SVEP1: variants seen among roughly 807,000 people sequenced by gnomAD.
The protein encoded by SVEP1 is sushi, von Willebrand factor type A, EGF and pentraxin domain containing 1.
SVEP1 carries 164 observed loss-of-function variants against 367.3 expected under a neutral mutation model. That is an observed-to-expected ratio of 0.45 (90% CI 0.39 to 0.51). The LOEUF is 0.51. SVEP1 is among the 20% of genes least tolerant of loss of function. SVEP1 has a pLI of 0.00. For missense variants in SVEP1, 4,117 were observed against 4,425.3 expected, an observed-to-expected ratio of 0.93 and a Z score of 1.98; for synonymous variants, 1,666 against 1,611.6, an observed-to-expected ratio of 1.03 and a Z score of -0.81.
intron 19 of SVEP1, 67 bp from the exon 20 acceptor site, chr9:110,458,629 T>C: frequency 7.0e-7 from 1 of 1,435,096 alleles, no homozygotes. Context: ...TATCTAACAC[T>C]ATGGTCAAGA....
intron 27 of SVEP1, chr9:110,443,284 C>A: frequency 2.8e-6 from 1 of 362,116 alleles, no homozygotes; most frequent in South Asian, 1.1e-4. Context: ...AGTTTAGCAA[C>A]CAGCTGCTAA....
intron 36 of SVEP1, among the ~76,000 whole-genome samples, chr9:110,426,793 A>G (rs916875967): frequency 3.9e-5 from 6 of 152,200 alleles, no homozygotes; most frequent in African/African-American, 1.4e-4. Flanking sequence ...GCTAAGATCA[A>G]ATGAGACAAT....
chr9:110,486,218 C>G (rs1056186558), intron 9 of SVEP1, among the ~76,000 whole-genome samples: 3 of 152,244 alleles, frequency 2.0e-5, no homozygotes, highest in Non-Finnish European at 4.4e-5. Context: ...GCAGTATTTA[C>G]TATTTTGCCA....
At chr9:110,544,452 A>G (rs184090911) in intron 3 of SVEP1, among the ~76,000 whole-genome samples, 1 of 152,358 alleles carries the variant, frequency 6.6e-6, no homozygotes, top group Non-Finnish European at 1.5e-5. Context: ...TATCCAATAC[A>G]GAAAAACTAT....
In SVEP1 at chr9:110,407,732, T is replaced by C. The variant is rs1217736201; in HGVS notation, c.7868A>G (p.Asp2623Gly). The C allele has an allele frequency of 1.9e-6, 3 of 1,613,938 alleles. No homozygotes were observed. In the South Asian group the frequency reaches 3.3e-5, roughly 18 times the overall value. Residue 2623 changes from aspartate to glycine, a missense_variant, in exon 38 of 48, where the codon GAC becomes GGC. This residue lies in a region of SVEP1 where 1,765 missense variants were observed against 1,781.1 expected (regional missense o/e 0.99). Transcript: ENST00000374469. ...CTGGTCATCTTTGAGTTTAGTACAG[T>C]CTCCAAAATCTATATGAGGAGGGAG... ...CGLPPHIDFG[D>G]CTKLKDDQGY...
rs1180787031 is a variant in SVEP1 at position 110,465,951 on chromosome 9, G to C, written c.3236C>G (p.Pro1079Arg). The change falls in exon 18 of 48, where the codon CCA becomes CGA. Residue 1079 changes from proline (P) to arginine (R), a missense_variant. Around this residue, in one of 4 missense-constraint regions of SVEP1, gnomAD observed 2,174 missense variants for 2,494.3 expected, o/e 0.87. Coordinates refer to ENST00000374469, the MANE Select transcript of SVEP1 (RefSeq NM_153366.4). Reference sequence around the variant, plus strand: ...GAGGCAGCTCCGGGAACCAAATTTTGGCTGATAAGTGCCCAGTGGACACGA... The same window carrying C: ...GAGGCAGCTCCGGGAACCAAATTTTCGCTGATAAGTGCCCAGTGGACACGA... ...CESCPLGTYQ[P>R]KFGSRSCLSC... 1 of 1,612,948 alleles carries C rather than the reference G, an allele frequency of 6.2e-7. No individual in the cohort carries two copies. Among genetic ancestry groups the C allele is most frequent in the Non-Finnish European group, 8.5e-7 (1 of 1,179,526 alleles).
At chr9:110,485,500 G>C (rs889562969) in intron 9 of SVEP1, among the ~76,000 whole-genome samples, 1 of 152,080 alleles carries the variant, frequency 6.6e-6, no homozygotes, top group African/African-American at 2.4e-5. Context: ...CCTAGGTGAT[G>C]GGTTGATAGG....
intron 1 of SVEP1, among the ~76,000 whole-genome samples, chr9:110,576,575 T>C (rs1830630130): frequency 6.6e-6 from 1 of 151,896 alleles, no homozygotes; most frequent in Non-Finnish European, 1.5e-5. Flanking sequence ...AAATAAAATA[T>C]ATATAAAAAG....
Position 110,377,370 on chromosome 9 carries a change from GA to G in SVEP1, c.10409-5del. 2 of 1,613,550 alleles carry G rather than the reference GA, an allele frequency of 1.2e-6. No homozygotes were observed. Among genetic ancestry groups the G allele is most frequent in the South Asian group, 1.1e-5 (1 of 91,066 alleles). ...TGACATGGAAATCGACAGACAGCTG[GA>G]AAAGAAGCAGGATGGGTCACAAATG... On this transcript the variant is annotated splice_region_variant and splice_polypyrimidine_tract_variant and intron_variant, in intron 44 of 47. Transcript: ENST00000374469.
chr9:110,378,029 T>C (rs912158097), intron 44 of SVEP1, among the ~76,000 whole-genome samples: 7 of 152,234 alleles, frequency 4.6e-5, no homozygotes, highest in African/African-American at 1.7e-4. Context: ...GTCCATGTTG[T>C]TGTAAATGGC....
At chr9:110,450,819 T>C (rs375169237) in intron 23 of SVEP1, among the ~76,000 whole-genome samples, 2 of 152,274 alleles carry the variant, frequency 1.3e-5, no homozygotes, top group South Asian at 4.1e-4. Context: ...AAATTAAGTT[T>C]GGTAATAGAC....
Position 110,446,922 on chromosome 9 carries a change from A to G in SVEP1, c.4239T>C (p.Phe1413=), listed in dbSNP as rs1165815166. The G allele has an allele frequency of 6.5e-7, 1 of 1,538,882 alleles. No individual in the cohort carries two copies. Among genetic ancestry groups the G allele is most frequent in the Non-Finnish European group, 8.8e-7 (1 of 1,142,092 alleles). ...TACCTGTTTCACACCTTTTGCCTGA[A>G]AATCCTGGCTGACATTTACAACTGT... ...NSYSCKCQPG[F]SGKRCETEQS... is the part of the protein sequence containing the mutation. Residue 1413 remains phenylalanine, a synonymous_variant, in exon 25 of 48, where the codon TTT becomes TTC. Coordinates refer to ENST00000374469, the MANE Select transcript of SVEP1 (RefSeq NM_153366.4).
Position 110,434,376 on chromosome 9 carries a change from C to G in SVEP1, c.5019G>C (p.Leu1673=). The change falls in exon 30 of 48, where the codon CTG becomes CTC. Residue 1673 remains leucine, a synonymous_variant. Coordinates refer to ENST00000374469, the MANE Select transcript of SVEP1 (RefSeq NM_153366.4). ...QLVGNPVQYC[L]NQGQWTQPLP... ...GTGGTTGTGTCCACTGTCCTTGATT[C>G]AGACAGTACTGCACAGGGTTCCCGA... The G allele has an allele frequency of 6.2e-7, 1 of 1,612,830 alleles. No individual in the cohort carries two copies. Among genetic ancestry groups the G allele is most frequent in the East Asian group, 2.2e-5 (1 of 44,832 alleles).
chr9:110,453,368 C>T (rs1021882493), intron 22 of SVEP1, among the ~76,000 whole-genome samples: 1 of 151,844 alleles, frequency 6.6e-6, no homozygotes, highest in African/African-American at 2.4e-5. Flanking sequence ...TGTGGGTTAA[C>T]AAGGGAATTG....
intron 1 of SVEP1, among the ~76,000 whole-genome samples, chr9:110,550,907 C>A (rs10980438): frequency 0.21 from 32,526 of 152,066 alleles, 4,060 homozygotes; most frequent in African/African-American, 0.34. Flanking sequence ...TGCTTTGTAA[C>A]ACCAGACTAT....
chr9:110,497,009 CT>C (rs1829460341), intron 7 of SVEP1, 76 bp from the exon 8 acceptor site: 1 of 948,544 alleles, frequency 1.1e-6, no homozygotes, highest in South Asian at 1.7e-5. Context: ...AGGTACAAAT[CT>C]AGTTATATTA....
chr9:110,371,255 T>A (rs1827271495), intron 46 of SVEP1, among the ~76,000 whole-genome samples: 1 of 152,198 alleles, frequency 6.6e-6, no homozygotes, highest in Admixed American at 6.5e-5. Context: ...CTTGCTGATA[T>A]AAGAACACGT....
intron 1 of SVEP1, among the ~76,000 whole-genome samples, chr9:110,562,902 C>T (rs780044814): frequency 1.4e-4 from 21 of 151,906 alleles, no homozygotes; most frequent in Non-Finnish European, 2.4e-4. Context: ...ATGTAGGCCA[C>T]GCTGGTCTTG....
chr9:110,366,412 A>T lies in SVEP1; in HGVS notation c.*127T>A. ...ATCACAAAATAAAAAAAGTAACCCC[A>T]AGTAACAAGTTTACTAAACAAGACC... On this transcript the variant is annotated 3_prime_UTR_variant, in exon 48 of 48. Coordinates refer to ENST00000374469, the MANE Select transcript of SVEP1 (RefSeq NM_153366.4). 1.1e-6 allele frequency: 1 copy of T among 888,632 alleles called. No individual in the cohort carries two copies. Among genetic ancestry groups the T allele is most frequent in the Non-Finnish European group, 1.6e-6 (1 of 637,458 alleles). 55.0% of individuals were successfully genotyped at this position (888,632 alleles called of 1,614,324 possible). A position where few individuals can be genotyped will look rare whatever the true frequency, so the allele number is the denominator to read the frequency against.
Sources: gnomAD v4.1 joint callset for allele counts (sites outside exome capture counted in the v4.1 genomes callset) on GRCh38, gnomAD v4.1.1 for gene constraint, gnomAD v4.1.1 regional missense constraint, MANE v1.5 for transcripts, NCBI Gene and HGNC (gene_info 2026-07-23, HGNC 2026-07-21) for gene names.